Variants in SEL1L3 observed in about 807,000 individuals in gnomAD.
SEL1L3 encodes SEL1L family member 3, also known as protein sel-1 homolog 3.
SEL1L3 carries 76 observed loss-of-function variants against 142.8 expected under a neutral mutation model. That is an observed-to-expected ratio of 0.53 (90% CI 0.44 to 0.64). The LOEUF (loss-of-function observed/expected upper bound fraction) is 0.64. SEL1L3 is among the 30% of genes least tolerant of loss of function. The pLI, the probability that SEL1L3 is intolerant of heterozygous loss-of-function variation, is 0.00. For synonymous variants in SEL1L3, 504 were observed against 519.6 expected (o/e 0.97, Z 0.41); for missense variants, 1,262 against 1,381.7 (o/e 0.91, Z 1.37).
intron 15 of SEL1L3, among the ~76,000 whole-genome samples, chr4:25,779,646 ACT>A (rs1405840488): frequency 6.6e-6 from 1 of 152,170 alleles, no homozygotes; most frequent in Non-Finnish European, 1.5e-5. Flanking sequence ...AGAAATCTTC[ACT>A]CACAGATGTC....
intron 9 of SEL1L3, among the ~76,000 whole-genome samples, chr4:25,806,040 T>A (rs1008862981): frequency 7.3e-6 from 1 of 136,620 alleles, no homozygotes; most frequent in South Asian, 2.4e-4. Flanking sequence ...TTGTTTTGTT[T>A]GTTTTTTTTT....
chr4:25,792,541 C>A (rs923293157), intron 11 of SEL1L3, among the ~76,000 whole-genome samples: 1 of 152,212 alleles, frequency 6.6e-6, no homozygotes, highest in Non-Finnish European at 1.5e-5. Context: ...GGGTGGGGAG[C>A]CTGGAATTGT....
At chr4:25,862,602 T>G in intron 1 of SEL1L3, 73 bp downstream of exon 1, 2 of 796,528 alleles carry the variant, frequency 2.5e-6, no homozygotes, top group East Asian at 4.0e-5. Context: ...GTGGCGGGTG[T>G]CCCCGGCCGC....
At chr4:25,795,493 G>C (rs1712671359) in intron 11 of SEL1L3, among the ~76,000 whole-genome samples, 1 of 152,190 alleles carries the variant, frequency 6.6e-6, no homozygotes, top group Admixed American at 6.5e-5. Context: ...AAACAATTTA[G>C]GGAGCTCATC....
chr4:25,830,152 A>T lies in SEL1L3; in HGVS notation c.1103T>A (p.Val368Glu). 6.2e-7 allele frequency: 1 copy of T among 1,601,828 alleles called. No homozygotes were observed. The highest frequency in any genetic ancestry group is 8.6e-7 in the Non-Finnish European group (1 of 1,169,092). The change falls in exon 6 of 24, where the codon GTA becomes GAA. Residue 368 changes from valine to glutamate, a missense_variant. By Grantham distance (121) the Val-to-Glu change is moderately radical. This residue lies in a region of SEL1L3 where 689 missense variants were observed against 692.8 expected (regional missense o/e 0.99). Transcript: ENST00000399878. ...ATCCTGTCCAATGCTAGTGGTTACT[A>T]CTATCTATGATGGGAGGGATACACA... ...LDISFNGGQI[V>E]VTTSIGQDLK...
intron 9 of SEL1L3, among the ~76,000 whole-genome samples, chr4:25,817,488 C>T (rs1251947949): frequency 6.6e-6 from 1 of 152,226 alleles, no homozygotes; most frequent in African/African-American, 2.4e-5. Flanking sequence ...TTGCACTGGG[C>T]CTACAGAGAA....
At chr4:25,833,345 G>T in intron 4 of SEL1L3, 103 bp downstream of exon 4, 1 of 1,134,374 alleles carries the variant, frequency 8.8e-7, no homozygotes, top group Non-Finnish European at 1.3e-6. Context: ...TTGCTGGGCT[G>T]CCATGTTGAC....
chr4:25,716,885 T>G, the SEL1L3 span, among the ~76,000 whole-genome samples: 1 of 152,230 alleles, frequency 6.6e-6, no homozygotes, highest in Admixed American at 6.5e-5. Context: ...CCAGAACCTT[T>G]GGAGGCCAAG....
chr4:25,720,476 A>T, the SEL1L3 span: 1 of 152,158 alleles, frequency 6.6e-6, no homozygotes, highest in Non-Finnish European at 1.5e-5. Context: ...AAACTAATTG[A>T]TTGGAAGTCA....
rs144285978 is a variant in SEL1L3 at position 25,811,465 on chromosome 4, A to G, written c.1564+6673T>C. 6.7e-4 allele frequency among the ~76,000 whole-genome samples: 102 copies of G among 151,452 alleles called. No homozygotes were observed. The East Asian group carries it at 0.017, about 26-fold the overall frequency. Reference sequence around the variant, plus strand: ...ATGTGGAAGGAAGCAGAGTAAGTCCATAGAACTCTTAGCAGTCTGGATTGG... The same window carrying G: ...ATGTGGAAGGAAGCAGAGTAAGTCCGTAGAACTCTTAGCAGTCTGGATTGG... On this transcript the variant is annotated intron_variant, in intron 9 of 23. Transcript: ENST00000399878.
At chr4:25,755,186 A>G (rs1306610977) in intron 23 of SEL1L3, among the ~76,000 whole-genome samples, 2 of 152,002 alleles carry the variant, frequency 1.3e-5, no homozygotes, top group African/African-American at 4.8e-5. Context: ...TGGGTGCAAA[A>G]AATTCTCCTG....
At chr4:25,740,039 C>T in the SEL1L3 span, among the ~76,000 whole-genome samples, 1 of 151,056 alleles carries the variant, frequency 6.6e-6, no homozygotes, top group South Asian at 2.2e-4. Context: ...CTCAAGTGAT[C>T]CTCCCCGCTC....
At chr4:25,821,740 C>T (rs1345286909) in intron 7 of SEL1L3, among the ~76,000 whole-genome samples, 2 of 152,212 alleles carry the variant, frequency 1.3e-5, no homozygotes, top group Non-Finnish European at 2.9e-5. Context: ...TGAAAATCTA[C>T]TCTATAATTA....
At chr4:25,824,058 A>AT (rs1714939493) in intron 6 of SEL1L3, among the ~76,000 whole-genome samples, 1 of 152,174 alleles carries the variant, frequency 6.6e-6, no homozygotes, top group African/African-American at 2.4e-5. Flanking sequence ...TCAGCTCCTG[A>AT]TATTTTTCTT....
chr4:25,774,099 G>A (rs566748709), intron 17 of SEL1L3, among the ~76,000 whole-genome samples: 8 of 152,152 alleles, frequency 5.3e-5, no homozygotes, highest in Non-Finnish European at 8.8e-5. Flanking sequence ...TGGGATAGAA[G>A]TTATCAGGCA....
chr4:25,824,715 GC>G (rs1714983170), intron 6 of SEL1L3, among the ~76,000 whole-genome samples: 1 of 152,142 alleles, frequency 6.6e-6, no homozygotes, highest in Non-Finnish European at 1.5e-5. Flanking sequence ...GATCACTTGA[GC>G]CCAAACAGTT....
chr4:25,824,254 C>T (rs1448416351), intron 6 of SEL1L3, among the ~76,000 whole-genome samples: 1 of 152,200 alleles, frequency 6.6e-6, no homozygotes, highest in African/African-American at 2.4e-5. Flanking sequence ...CAAAGCAACA[C>T]TTCTGCAGTA....
At chr4:25,753,130 C>A (rs531948146) in intron 23 of SEL1L3, among the ~76,000 whole-genome samples, 46 of 152,334 alleles carry the variant, frequency 3.0e-4, no homozygotes, top group Non-Finnish European at 4.9e-4. Context: ...CACCGTCCTG[C>A]GCGGCTAGCC....
chr4:25,819,471 T>C (rs771498573), intron 8 of SEL1L3, among the ~76,000 whole-genome samples: 6 of 152,250 alleles, frequency 3.9e-5, no homozygotes, highest in Non-Finnish European at 7.3e-5. Context: ...TATTTTCCAG[T>C]TCATTTTTAT....
Sources: allele counts gnomAD v4.1 joint callset (sites outside exome capture counted in the v4.1 genomes callset), GRCh38; gene constraint gnomAD v4.1.1; regional missense constraint gnomAD v4.1.1; transcripts MANE v1.5; gene names NCBI Gene and HGNC (gene_info 2026-07-23, HGNC 2026-07-21).